Variants in KBTBD11 observed in about 807,000 individuals in gnomAD.
KBTBD11 encodes kelch repeat and BTB domain containing 11.
For missense variants in KBTBD11, 1,390 were observed against 1,001.8 expected, an observed-to-expected ratio of 1.39 and a Z score of -5.23; for synonymous variants, 747 against 499.0, an observed-to-expected ratio of 1.50 and a Z score of -6.63.
At position 2,001,564 on chromosome 8, in the gene KBTBD11, G is replaced by A. The variant is rs926783540; in HGVS notation, c.372G>A (p.Gly124=). 6 of 1,441,748 alleles carry A rather than the reference G, an allele frequency of 4.2e-6. No homozygotes were observed. The African/African-American group carries it at 7.5e-5, about 18-fold the overall frequency. The allele number at this position is 1,441,748 out of a possible 1,614,324, so 89.3% of individuals were successfully genotyped here. A position where few individuals can be genotyped will look rare whatever the true frequency, so the allele number is the denominator to read the frequency against. The change falls in exon 2 of 2, where the codon GGG becomes GGA. Residue 124 remains glycine, a synonymous_variant. Transcript: ENST00000320248. ...LEDPASPEEP[G]EPAPVPPGFG... Reference sequence around the variant, plus strand: ...ACCCCGCGTCCCCCGAGGAGCCCGGGGAGCCCGCGCCCGTACCCCCGGGGT... The same window carrying A: ...ACCCCGCGTCCCCCGAGGAGCCCGGAGAGCCCGCGCCCGTACCCCCGGGGT...
intron 1 of KBTBD11, among the ~76,000 whole-genome samples, chr8:1,995,845 C>T (rs1418511157): frequency 2.0e-5 from 3 of 152,104 alleles, no homozygotes; most frequent in African/African-American, 4.8e-5. Flanking sequence ...GGAAACATAG[C>T]GAGATCCTGT....
At chr8:1,982,600 G>A (rs1379028950) in intron 1 of KBTBD11, among the ~76,000 whole-genome samples, 3 of 152,132 alleles carry the variant, frequency 2.0e-5, no homozygotes, top group African/African-American at 4.8e-5. Context: ...GAGAGCAGAG[G>A]GAGCTATGCT....
At chr8:1,989,722 C>A (rs1214444137) in intron 1 of KBTBD11, among the ~76,000 whole-genome samples, 1 of 152,188 alleles carries the variant, frequency 6.6e-6, no homozygotes. Flanking sequence ...GGGCCAGACA[C>A]ACGAGTGCCC....
At chr8:1,995,010 G>A (rs1046732218) in intron 1 of KBTBD11, among the ~76,000 whole-genome samples, 1 of 145,432 alleles carries the variant, frequency 6.9e-6, no homozygotes, top group Non-Finnish European at 1.5e-5. Flanking sequence ...AGTGAGCCGA[G>A]ATGGTGCCAT....
At chr8:1,993,192 C>G (rs550231552) in intron 1 of KBTBD11, among the ~76,000 whole-genome samples, 1 of 152,208 alleles carries the variant, frequency 6.6e-6, no homozygotes, top group South Asian at 2.1e-4. Flanking sequence ...GGTTATCCAC[C>G]CACCTCAGCC....
chr8:1,977,250 G>A (rs1458562541), intron 1 of KBTBD11, among the ~76,000 whole-genome samples: 2 of 152,230 alleles, frequency 1.3e-5, no homozygotes, highest in Non-Finnish European at 2.9e-5. Context: ...GAGACTTCCC[G>A]AGTCCTAAAG....
intron 1 of KBTBD11, among the ~76,000 whole-genome samples, chr8:1,999,502 G>T (rs1817264583): frequency 6.6e-6 from 1 of 152,198 alleles, no homozygotes; most frequent in African/African-American, 2.4e-5. Context: ...GTATGTTAGG[G>T]AGTGTCCGTG....
chr8:2,002,812 C>G lies in KBTBD11; in HGVS notation c.1620C>G (p.Pro540=). 7.0e-7 allele frequency: 1 copy of G among 1,436,578 alleles called. No homozygotes were observed. The highest frequency in any genetic ancestry group is 9.1e-7 in the Non-Finnish European group (1 of 1,103,676). The allele number at this position is 1,436,578 out of a possible 1,614,324, so 89.0% of individuals were successfully genotyped here. Residue 540 remains proline, a synonymous_variant, in exon 2 of 2, where the codon CCC becomes CCG. Coordinates refer to ENST00000320248, the MANE Select transcript of KBTBD11 (RefSeq NM_014867.3). The surrounding 1 kb of genome is among the most constrained non-coding windows in gnomAD (Gnocchi z 4.1). The part of the protein sequence containing the change: ...LAKQWSPCVA[P]LRLPGGPTGL... ...AGCAGTGGAGCCCGTGCGTCGCGCCCCTGCGCCTCCCCGGCGGCCCCACGG... is the reference window on the plus strand; with the variant it reads ...AGCAGTGGAGCCCGTGCGTCGCGCCGCTGCGCCTCCCCGGCGGCCCCACGG...
intron 1 of KBTBD11, chr8:1,976,099 C>G (rs1243413559): frequency 6.6e-6 from 1 of 152,198 alleles, no homozygotes; most frequent in East Asian, 1.9e-4. Flanking sequence ...CTCTAAGCCT[C>G]CTTGCATCCA....
chr8:1,992,456 A>T (rs1046881795), intron 1 of KBTBD11, among the ~76,000 whole-genome samples: 1 of 151,936 alleles, frequency 6.6e-6, no homozygotes, highest in African/African-American at 2.4e-5. Flanking sequence ...TTTTTCTTAA[A>T]TTGGAAGCGG....
chr8:1,978,932 G>C (rs1239408141), intron 1 of KBTBD11, among the ~76,000 whole-genome samples: 1 of 152,178 alleles, frequency 6.6e-6, no homozygotes, highest in African/African-American at 2.4e-5. Flanking sequence ...TGCAAAGGCT[G>C]GTGTTCCAAA....
intron 1 of KBTBD11, among the ~76,000 whole-genome samples, chr8:1,987,457 G>A (rs777195529): frequency 5.3e-5 from 8 of 152,080 alleles, no homozygotes; most frequent in Admixed American, 1.3e-4. Flanking sequence ...TACTGTTCCC[G>A]TCACTGCTTC....
Position 2,001,951 on chromosome 8 carries a change from C to T in KBTBD11, c.759C>T (p.Asp253=). The T allele has an allele frequency of 6.8e-7, 1 of 1,474,530 alleles. No individual in the cohort carries two copies. The highest frequency in any genetic ancestry group is 9.0e-7 in the Non-Finnish European group (1 of 1,109,958). The allele number at this position is 1,474,530 out of a possible 1,614,324, so 91.3% of individuals were successfully genotyped here. ...GGCAGCGGCTGAACGAGCTGCGCGACGCCGCCTACTGCTTCATGAGCGACC... is the reference window on the plus strand; with the variant it reads ...GGCAGCGGCTGAACGAGCTGCGCGATGCCGCCTACTGCTTCATGAGCGACC... ...AKRQRLNELR[D]AAYCFMSDHY... The change falls in exon 2 of 2, where the codon GAC becomes GAT. Residue 253 remains aspartate (D), a synonymous_variant. Coordinates refer to ENST00000320248, the MANE Select transcript of KBTBD11 (RefSeq NM_014867.3).
chr8:2,001,215 G>A lies in KBTBD11; in HGVS notation c.23G>A (p.Cys8Tyr), dbSNP rs911703006. 2 of 1,410,920 alleles carry A rather than the reference G, an allele frequency of 1.4e-6. No individual in the cohort carries two copies. The highest frequency in any genetic ancestry group is 5.9e-5 in the East Asian group (2 of 33,840). The allele number at this position is 1,410,920 out of a possible 1,614,324, so 87.4% of individuals were successfully genotyped here. A position where few individuals can be genotyped will look rare whatever the true frequency, so the allele number is the denominator to read the frequency against. The change falls in exon 2 of 2, where the codon TGC (cysteine) becomes TAC (tyrosine). Residue 8 changes from cysteine (C) to tyrosine (Y), a missense_variant. By Grantham distance (194) the Cys-to-Tyr change is radical. Coordinates refer to ENST00000320248, the MANE Select transcript of KBTBD11 (RefSeq NM_014867.3). MEHAVAPCVLYPGTEPGA... is the reference protein window; with the variant it reads MEHAVAPYVLYPGTEPGA... ...GCCATGGAGCACGCGGTGGCCCCCT[G>A]CGTCCTCTACCCAGGGACTGAGCCC...
chr8:1,973,796 A>AGC lies in KBTBD11; in HGVS notation c.-1047_-1046dup, dbSNP rs1207741749. The stretch of plus-strand genomic sequence containing the variant: ...CCCACGCCCCGCTGCGGGTCGGAGG[A>AGC]GCAGCTCCCGCTCGCAGGTGCTCGG... On this transcript the variant is annotated 5_prime_UTR_variant, in exon 1 of 2. Transcript: ENST00000320248. The AGC allele has an allele frequency of 1.0e-6, 1 of 982,986 alleles. No individual in the cohort carries two copies. Among genetic ancestry groups the AGC allele is most frequent in the Non-Finnish European group, 1.2e-6 (1 of 829,110 alleles). 60.9% of individuals were successfully genotyped at this position (982,986 alleles called of 1,614,324 possible).
chr8:2,001,925 C>A lies in KBTBD11; in HGVS notation c.733C>A (p.Arg245=). 6.8e-7 allele frequency: 1 copy of A among 1,462,796 alleles called. No homozygotes were observed. The highest frequency in any genetic ancestry group is 2.0e-5 in the Admixed American group (1 of 50,042). The allele number at this position is 1,462,796 out of a possible 1,614,324, so 90.6% of individuals were successfully genotyped here. The change falls in exon 2 of 2, where the codon CGG becomes AGG. Residue 245 remains arginine (R), a synonymous_variant. Coordinates refer to ENST00000320248, the MANE Select transcript of KBTBD11 (RefSeq NM_014867.3). Reference sequence around the variant, plus strand: ...CTACGAGGTCCTGAGCGCGGCCAAGCGGCAGCGGCTGAACGAGCTGCGCGA... The same window carrying A: ...CTACGAGGTCCTGAGCGCGGCCAAGAGGCAGCGGCTGAACGAGCTGCGCGA... ...NCYEVLSAAK[R]QRLNELRDAA...
rs1817532870 is a variant in KBTBD11 at position 2,005,136 on chromosome 8, G to C, written c.*2072G>C. On this transcript the variant is annotated 3_prime_UTR_variant, in exon 2 of 2. Coordinates refer to ENST00000320248, the MANE Select transcript of KBTBD11 (RefSeq NM_014867.3). ...TGGGGGTGGTTGCACAGTCCTGTGC[G>C]GTTCCCATGGCTTTCCAGCGTTTCA... The C allele has an allele frequency of 6.0e-6, 1 of 167,096 alleles. No individual in the cohort carries two copies. Among genetic ancestry groups the C allele is most frequent in the African/African-American group, 2.4e-5 (1 of 41,448 alleles). The allele number at this position is 167,096 out of a possible 1,614,324, so 10.4% of individuals were successfully genotyped here. A position where few individuals can be genotyped will look rare whatever the true frequency, so the allele number is the denominator to read the frequency against.
intron 1 of KBTBD11, among the ~76,000 whole-genome samples, chr8:1,986,334 T>C (rs535872701): frequency 6.6e-6 from 1 of 152,348 alleles, no homozygotes; most frequent in South Asian, 2.1e-4. Flanking sequence ...TGTCAAATCT[T>C]AACTGAAACA....
intron 1 of KBTBD11, among the ~76,000 whole-genome samples, chr8:1,986,418 G>T (rs917129223): frequency 3.9e-5 from 6 of 152,214 alleles, no homozygotes; most frequent in Non-Finnish European, 8.8e-5. Flanking sequence ...ATAAACCCAT[G>T]AGATTATTAG....
Sources: gnomAD v4.1 joint callset for allele counts (sites outside exome capture counted in the v4.1 genomes callset) on GRCh38, gnomAD v4.1.1 for gene constraint, Gnocchi (gnomAD v3.1) non-coding constraint, MANE v1.5 for transcripts, NCBI Gene and HGNC (gene_info 2026-07-23, HGNC 2026-07-21) for gene names.